TLK2: variants seen among roughly 807,000 people sequenced by gnomAD.
TLK2 encodes the protein tousled like kinase 2, also known as serine/threonine-protein kinase tousled-like 2.
TLK2 carries 6 observed loss-of-function variants against 117.3 expected under a neutral mutation model. The ratio of observed to expected loss-of-function variants is 0.05; its 90% CI spans 0.03 to 0.10. The LOEUF (loss-of-function observed/expected upper bound fraction) is 0.10, where lower values mean the gene tolerates loss of function less well. Ranked by LOEUF, TLK2 falls within the 10% of genes least tolerant of loss-of-function variation. The pLI, the probability that TLK2 is intolerant of heterozygous loss-of-function variation, is 1.00. For missense variants in TLK2, 299 were observed against 901.2 expected (o/e 0.33, Z 8.56); for synonymous variants, 257 against 316.7 (o/e 0.81, Z 2.00).
chr17:62,528,141 G>A (rs978618125), intron 6 of TLK2, among the ~76,000 whole-genome samples: 3 of 152,110 alleles, frequency 2.0e-5, no homozygotes, highest in African/African-American at 7.2e-5. Context: ...TCCCCCACTT[G>A]ACATGTAAGC....
At chr17:62,482,867 A>G (rs1335741989) in intron 2 of TLK2, among the ~76,000 whole-genome samples, 1 of 152,168 alleles carries the variant, frequency 6.6e-6, no homozygotes, top group African/African-American at 2.4e-5. Context: ...CAGTATGGGG[A>G]GAGAGAGATG....
intron 17 of TLK2, among the ~76,000 whole-genome samples, chr17:62,599,557 C>G (rs2082727655): frequency 6.6e-6 from 1 of 152,166 alleles, no homozygotes; most frequent in African/African-American, 2.4e-5. Context: ...CTCTCCCTCC[C>G]CGCAATTCTA....
intron 2 of TLK2, among the ~76,000 whole-genome samples, chr17:62,499,339 CAAAA>C (rs965873380): frequency 7.1e-6 from 1 of 141,836 alleles, no homozygotes; most frequent in Non-Finnish European, 1.5e-5. Flanking sequence ...GTCTCACAAA[CAAAA>C]AAAAAAGGAC....
At chr17:62,560,159 C>G (rs2079149028) in intron 10 of TLK2, 33 bp downstream of exon 10, 1 of 1,418,428 alleles carries the variant, frequency 7.1e-7, no homozygotes, top group African/African-American at 1.4e-5. Context: ...AACTCTGTAT[C>G]CCAAGATACT....
intron 11 of TLK2, among the ~76,000 whole-genome samples, chr17:62,569,934 C>T (rs988354831): frequency 2.0e-5 from 3 of 152,136 alleles, no homozygotes; most frequent in Non-Finnish European, 2.9e-5. Flanking sequence ...ACCATACTTC[C>T]TCAAACCTTT....
chr17:62,591,227 C>A (rs773841906), intron 16 of TLK2, among the ~76,000 whole-genome samples: 1 of 151,960 alleles, frequency 6.6e-6, no homozygotes, highest in African/African-American at 2.4e-5. Context: ...CCAGCCTGGG[C>A]GCCAGAGCAA....
At position 62,494,693 on chromosome 17, in the gene TLK2, C is replaced by T. The variant is rs570838461; in HGVS notation, c.81+13487C>T. 6.6e-5 allele frequency among the ~76,000 whole-genome samples: 10 copies of T among 152,276 alleles called. No individual in the cohort carries two copies. The South Asian group carries it at 8.3e-4, about 13-fold the overall frequency. ...TGCTGGGATTACAGGTGTGAGCCACCGTGCCTGGCCCAGATGCATTGTATA... is the reference window on the plus strand; with the variant it reads ...TGCTGGGATTACAGGTGTGAGCCACTGTGCCTGGCCCAGATGCATTGTATA... On this transcript the variant is annotated intron_variant, in intron 2 of 21. Transcript: ENST00000346027.
chr17:62,542,833 G>A (rs527919211), intron 7 of TLK2, among the ~76,000 whole-genome samples: 95 of 152,194 alleles, frequency 6.2e-4, no homozygotes, highest in Non-Finnish European at 1.2e-3. Context: ...TTTTAAAAAG[G>A]TAGTTTGCTT....
chr17:62,525,673 C>T (rs904954272), intron 6 of TLK2, among the ~76,000 whole-genome samples: 1 of 152,118 alleles, frequency 6.6e-6, no homozygotes, highest in African/African-American at 2.4e-5. Context: ...TGGTCTCAAA[C>T]TCCTGAGATC....
At chr17:62,591,180 C>T (rs945711869) in intron 16 of TLK2, among the ~76,000 whole-genome samples, 8 of 151,984 alleles carry the variant, frequency 5.3e-5, no homozygotes, top group Non-Finnish European at 1.0e-4. Flanking sequence ...ACCCAGGAGG[C>T]GGAAGTTGCA....
At chr17:62,561,747 C>T (rs1269591151) in intron 10 of TLK2, among the ~76,000 whole-genome samples, 1 of 152,084 alleles carries the variant, frequency 6.6e-6, no homozygotes, top group Non-Finnish European at 1.5e-5. Flanking sequence ...AGAAAAGAAA[C>T]CACTTTTTAA....
intron 2 of TLK2, chr17:62,516,435 CAT>C (rs748120298): frequency 2.3e-5 from 37 of 1,591,628 alleles, no homozygotes; most frequent in Non-Finnish European, 3.1e-5. Flanking sequence ...CAGCACTCCT[CAT>C]ATACAGACCT....
chr17:62,474,175 T>C (rs1210265345), upstream of TLK2, among the ~76,000 whole-genome samples: 4 of 151,884 alleles, frequency 2.6e-5, no homozygotes, highest in African/African-American at 9.7e-5. Flanking sequence ...GCCTCCTGGG[T>C]TCATGCCATT....
chr17:62,489,311 C>T (rs909528035), intron 2 of TLK2, among the ~76,000 whole-genome samples: 3 of 151,602 alleles, frequency 2.0e-5, no homozygotes, highest in African/African-American at 7.3e-5. Flanking sequence ...AGTGATTCTT[C>T]TGCCTCAACC....
At chr17:62,476,749 T>C (rs1022871138), upstream of TLK2, among the ~76,000 whole-genome samples, 3 of 152,062 alleles carry the variant, frequency 2.0e-5, no homozygotes, top group Admixed American at 6.6e-5. Context: ...TGCTTTCTCT[T>C]ACTCTCCTTT....
intron 7 of TLK2, among the ~76,000 whole-genome samples, chr17:62,540,439 G>T (rs2465443): frequency 0.93 from 112,038 of 120,286 alleles, 52,815 homozygotes; most frequent in East Asian, 1. Context: ...AGAGTCTTGC[G>T]TTGTTACCCA....
At chr17:62,583,893 T>G (rs949432337) in intron 15 of TLK2, among the ~76,000 whole-genome samples, 3 of 151,824 alleles carry the variant, frequency 2.0e-5, no homozygotes, top group Non-Finnish European at 4.4e-5. Flanking sequence ...ATTTTATTTC[T>G]GAAATCTAAA....
Position 62,613,542 on chromosome 17 carries a change from G to A in TLK2, c.*977G>A, listed in dbSNP as rs1212710234. On this transcript the variant is annotated 3_prime_UTR_variant, in exon 22 of 22. Coordinates refer to ENST00000346027, the MANE Select transcript of TLK2 (RefSeq NM_006852.6). The stretch of plus-strand genomic sequence containing the variant: ...AACTATGAAGCTATGCCAAAGGTAG[G>A]CAGAAAATGGGCTTGGGAGCCAGAC... 1 of 152,626 alleles carries A rather than the reference G, an allele frequency of 6.6e-6. No homozygotes were observed. Among genetic ancestry groups the A allele is most frequent in the Non-Finnish European group, 1.5e-5 (1 of 68,042 alleles). The allele number at this position is 152,626 out of a possible 1,614,324, so 9.5% of individuals were successfully genotyped here. A position where few individuals can be genotyped will look rare whatever the true frequency, so the allele number is the denominator to read the frequency against.
chr17:62,530,341 C>G lies in TLK2; in HGVS notation c.364-5829C>G, dbSNP rs1277775764. ...ATTAGCCAGGCATGGTGGCATGCACCTTGTAGTCCCAGCTACTCAGGTGGC... is the reference window on the plus strand; with the variant it reads ...ATTAGCCAGGCATGGTGGCATGCACGTTGTAGTCCCAGCTACTCAGGTGGC... On this transcript the variant is annotated intron_variant, in intron 6 of 21. Transcript: ENST00000346027. Among the ~76,000 whole-genome samples the G allele has an allele frequency of 2.6e-5, 4 of 152,052 alleles. No individual in the cohort carries two copies. The East Asian group carries it at 7.7e-4, about 29-fold the overall frequency.
Sources: gnomAD v4.1 joint callset for allele counts (sites outside exome capture counted in the v4.1 genomes callset) on GRCh38, gnomAD v4.1.1 for gene constraint, MANE v1.5 for transcripts, NCBI Gene and HGNC (gene_info 2026-07-23, HGNC 2026-07-21) for gene names.